PTPN4: variants seen among roughly 807,000 people sequenced by gnomAD.
The protein encoded by PTPN4 is tyrosine-protein phosphatase non-receptor type 4.
In PTPN4, 49 loss-of-function variants were observed where a neutral mutation model predicts 135.5. The ratio of observed to expected loss-of-function variants is 0.36; its 90% confidence interval spans 0.29 to 0.46. The LOEUF is 0.46. PTPN4 is among the 20% of genes least tolerant of loss of function. The pLI, the probability that PTPN4 is intolerant of heterozygous loss-of-function variation, is 1.00. For synonymous variants in PTPN4, 333 were observed against 369.9 expected, an observed-to-expected ratio of 0.90 and a Z score of 1.14; for missense variants, 860 against 1,101.0, an observed-to-expected ratio of 0.78 and a Z score of 3.10.
intron 15 of PTPN4, among the ~76,000 whole-genome samples, chr2:119,937,089 A>G (rs532011720): frequency 1.3e-5 from 2 of 152,326 alleles, no homozygotes; most frequent in Admixed American, 6.5e-5. Context: ...CCACACTTAG[A>G]ACACTTGTCC....
intron 1 of PTPN4, among the ~76,000 whole-genome samples, chr2:119,766,214 T>G (rs914338145): frequency 6.6e-6 from 1 of 152,206 alleles, no homozygotes; most frequent in African/African-American, 2.4e-5. Flanking sequence ...TTTTCTTTGT[T>G]GCCAAGTTGG....
intron 2 of PTPN4, among the ~76,000 whole-genome samples, chr2:119,838,387 C>T (rs1199076656): frequency 6.6e-6 from 1 of 152,114 alleles, no homozygotes; most frequent in African/African-American, 2.4e-5. Context: ...CGAAGTGACA[C>T]CCCATGAATT....
At chr2:119,811,741 T>C (rs1676882911) in intron 2 of PTPN4, among the ~76,000 whole-genome samples, 1 of 152,124 alleles carries the variant, frequency 6.6e-6, no homozygotes, top group Non-Finnish European at 1.5e-5. Flanking sequence ...TTTCAAAATA[T>C]TGTAAAAAGG....
intron 26 of PTPN4, among the ~76,000 whole-genome samples, chr2:119,968,516 G>A (rs536669687): frequency 2.0e-4 from 30 of 152,204 alleles, no homozygotes; most frequent in African/African-American, 6.5e-4. Context: ...GGCCGGGCGC[G>A]GTAGGTAGCT....
chr2:119,847,311 C>CATATATAT (rs1258221523), intron 2 of PTPN4, among the ~76,000 whole-genome samples: 1 of 108,696 alleles, frequency 9.2e-6, no homozygotes, highest in Non-Finnish European at 1.8e-5. Context: ...CACACACACA[C>CATATATAT]ACACATATAT....
At chr2:119,775,939 A>G (rs1181295217) in intron 1 of PTPN4, among the ~76,000 whole-genome samples, 1 of 152,186 alleles carries the variant, frequency 6.6e-6, no homozygotes, top group Admixed American at 6.5e-5. Context: ...CCAGAGGAAT[A>G]AATGGAAAAT....
chr2:119,959,652 G>T (rs560128572), intron 22 of PTPN4, among the ~76,000 whole-genome samples: 2 of 152,322 alleles, frequency 1.3e-5, no homozygotes, highest in African/African-American at 2.4e-5. Flanking sequence ...TTTTGAAAGG[G>T]TATTTAGTAC....
At chr2:119,797,994 AT>A (rs1449370710) in intron 1 of PTPN4, among the ~76,000 whole-genome samples, 1 of 152,068 alleles carries the variant, frequency 6.6e-6, no homozygotes, top group Non-Finnish European at 1.5e-5. Context: ...TAAAAAGTAG[AT>A]TTATCTTGGT....
chr2:119,889,150 T>C (rs1678202366), intron 9 of PTPN4, among the ~76,000 whole-genome samples: 1 of 152,206 alleles, frequency 6.6e-6, no homozygotes, highest in African/African-American at 2.4e-5. Flanking sequence ...CTGGGCACAG[T>C]GGCTCATGCC....
chr2:119,886,958 T>C lies in PTPN4; in HGVS notation c.675+1076T>C, dbSNP rs143925859. Among the ~76,000 whole-genome samples the C allele has an allele frequency of 2.0e-5, 3 of 152,302 alleles. No homozygotes were observed. The East Asian group carries it at 5.8e-4, about 29-fold the overall frequency. On this transcript the variant is annotated intron_variant, in intron 9 of 26. Transcript: ENST00000263708. ...TGTCTGATTCCATTTAAAATGTGTCTCTTAGAAACCTTCAGCTTTCTTTTT... is the reference window on the plus strand; with the variant it reads ...TGTCTGATTCCATTTAAAATGTGTCCCTTAGAAACCTTCAGCTTTCTTTTT...
intron 10 of PTPN4, among the ~76,000 whole-genome samples, chr2:119,910,590 C>T (rs750597573): frequency 7.9e-5 from 12 of 152,150 alleles, no homozygotes; most frequent in Non-Finnish European, 7.4e-5. Context: ...TCCATAATCC[C>T]CATGTGTCAA....
chr2:119,928,302 T>C (rs1409557325), intron 13 of PTPN4, among the ~76,000 whole-genome samples: 26 of 152,014 alleles, frequency 1.7e-4, no homozygotes, highest in Non-Finnish European at 2.9e-5. Flanking sequence ...GCCTCCAGAG[T>C]AGGAGTTGTT....
intron 2 of PTPN4, among the ~76,000 whole-genome samples, chr2:119,861,123 C>T (rs72969180): frequency 0.025 from 3,846 of 151,670 alleles, 167 homozygotes; most frequent in African/African-American, 0.087. Context: ...CTGAGGGTTG[C>T]GTGCTGTCAT....
rs115673694 is a variant in PTPN4, at chr2:119,809,071, T to A, written c.-17-766T>A. ...TTTAAAGTTTGAATCCTTAAATGCC[T>A]GAGTGTTTTAAGAGTTTTTTTTTCT... On this transcript the variant is annotated intron_variant, in intron 1 of 26. Coordinates refer to ENST00000263708, the MANE Select transcript of PTPN4 (RefSeq NM_002830.4). 4.1e-3 allele frequency among the ~76,000 whole-genome samples: 624 copies of A among 152,250 alleles called. 4 individuals carry two copies. Among genetic ancestry groups the A allele is most frequent in the South Asian group, 9.7e-3 (47 of 4,830 alleles).
At chr2:119,821,557 T>C (rs539878775) in intron 2 of PTPN4, among the ~76,000 whole-genome samples, 1 of 152,326 alleles carries the variant, frequency 6.6e-6, no homozygotes, top group East Asian at 1.9e-4. Flanking sequence ...CATGTAGTTT[T>C]GGCTTTCTTT....
At chr2:119,859,646 C>G (rs1466274920) in intron 2 of PTPN4, among the ~76,000 whole-genome samples, 1 of 152,154 alleles carries the variant, frequency 6.6e-6, no homozygotes, top group Non-Finnish European at 1.5e-5. Flanking sequence ...ATAGGGGAAG[C>G]CGAACACCTC....
intron 1 of PTPN4, among the ~76,000 whole-genome samples, chr2:119,785,632 A>G (rs1691033002): frequency 6.6e-6 from 1 of 152,092 alleles, no homozygotes; most frequent in African/African-American, 2.4e-5. Context: ...TTATTGTGAA[A>G]ACTTTCAAAC....
chr2:119,790,752 CTA>C lies in PTPN4; in HGVS notation c.-17-19083_-17-19082del, dbSNP rs1409578204. On this transcript the variant is annotated intron_variant, in intron 1 of 26. Coordinates refer to ENST00000263708, the MANE Select transcript of PTPN4 (RefSeq NM_002830.4). ...TATGTCTTTGGTCCCTTTTGTTTCT[CTA>C]TTCATCTATTATTGTTTGTTTGTTG... 2.0e-5 allele frequency among the ~76,000 whole-genome samples: 3 copies of C among 152,112 alleles called. No homozygotes were observed. The East Asian group carries it at 5.8e-4, about 29-fold the overall frequency.
intron 8 of PTPN4, among the ~76,000 whole-genome samples, chr2:119,883,328 T>C (rs2105003202): frequency 6.6e-6 from 1 of 152,288 alleles, no homozygotes; most frequent in Middle Eastern, 3.4e-3. Flanking sequence ...ATTAAGTATA[T>C]GCAAATATTT....
Sources: allele counts gnomAD v4.1 joint callset (sites outside exome capture counted in the v4.1 genomes callset), GRCh38; gene constraint gnomAD v4.1.1; transcripts MANE v1.5; gene names NCBI Gene and HGNC (gene_info 2026-07-23, HGNC 2026-07-21).